CNTN3: variants seen among roughly 807,000 people sequenced by gnomAD.
The protein encoded by CNTN3 is contactin 3.
Under a neutral mutation model 119.1 loss-of-function variants are expected in CNTN3, and 60 were observed. The ratio of observed to expected loss-of-function variants is 0.50; its 90% CI spans 0.41 to 0.62. The LOEUF is 0.62. Ranked by LOEUF, CNTN3 falls within the 20% of genes least tolerant of loss-of-function variation. The probability of loss-of-function intolerance (pLI) is 0.00; values close to 1 mark genes in which losing one functional copy is unlikely to be tolerated. For synonymous variants in CNTN3, 450 were observed against 438.7 expected (o/e 1.03, Z -0.32); for missense variants, 1,101 against 1,242.4 (o/e 0.89, Z 1.71).
intron 20 of CNTN3, among the ~76,000 whole-genome samples, chr3:74,277,494 T>G (rs1701905197): frequency 6.6e-6 from 1 of 152,048 alleles, no homozygotes; most frequent in Admixed American, 6.6e-5. Context: ...AAACACCACA[T>G]AAACAGAATT....
At position 74,391,557 on chromosome 3, in the gene CNTN3, C is replaced by CTTTTTTTTTTTTTTTTTTTTTT. The variant is rs554976641; in HGVS notation, c.455-20180_455-20159dup. 4.5e-4 allele frequency among the ~76,000 whole-genome samples: 39 copies of CTTTTTTTTTTTTTTTTTTTTTT among 87,022 alleles called. 2 individuals are homozygous for CTTTTTTTTTTTTTTTTTTTTTT. Among genetic ancestry groups the CTTTTTTTTTTTTTTTTTTTTTT allele is most frequent in the Middle Eastern group, 7.8e-3 (1 of 128 alleles). The allele number at this position is 87,022 out of a possible 152,430, so 57.1% of individuals were successfully genotyped here. A position where few individuals can be genotyped will look rare whatever the true frequency, so the allele number is the denominator to read the frequency against. ...TTAGTATTTTGTACTCCCATAGTTT[C>CTTTTTTTTTTTTTTTTTTTTTT]TTTTTTTTTTTTTTTTTTTTTTTTG... is the stretch of plus-strand genomic sequence containing the variant. On this transcript the variant is annotated intron_variant, in intron 5 of 22. Coordinates refer to ENST00000263665, the MANE Select transcript of CNTN3 (RefSeq NM_020872.3).
At chr3:74,304,248 G>A (rs1311452418) in intron 13 of CNTN3, among the ~76,000 whole-genome samples, 1 of 152,186 alleles carries the variant, frequency 6.6e-6, no homozygotes, top group Admixed American at 6.5e-5. Flanking sequence ...TCCAGAAACT[G>A]TTAAGCTTGC....
intron 13 of CNTN3, among the ~76,000 whole-genome samples, chr3:74,315,888 T>C (rs1015263404): frequency 5.9e-5 from 9 of 152,174 alleles, no homozygotes; most frequent in African/African-American, 9.7e-5. Context: ...ATATTTTATA[T>C]GGAAATACCC....
chr3:74,371,456 G>T, intron 5 of CNTN3, 57 bp from the exon 6 acceptor site: 2 of 1,301,650 alleles, frequency 1.5e-6, no homozygotes, highest in Non-Finnish European at 2.2e-6. Flanking sequence ...GTTTTCCATT[G>T]TGTCCTTAAT....
Position 74,507,578 on chromosome 3 carries a change from A to T in CNTN3, c.56-7793T>A, listed in dbSNP as rs149325394. 5.0e-4 allele frequency among the ~76,000 whole-genome samples: 75 copies of T among 149,758 alleles called. 3 individuals carry two copies. In the East Asian group the frequency reaches 5.7e-3, roughly 11 times the overall value. On this transcript the variant is annotated intron_variant, in intron 2 of 22. Coordinates refer to ENST00000263665, the MANE Select transcript of CNTN3 (RefSeq NM_020872.3). ...TTTGTAAATGTCTGAGTGTATAAAC[A>T]CCATCTACTTCTCCCTCCCTGTTTC...
At chr3:74,289,921 G>C (rs1702189759) in intron 19 of CNTN3, among the ~76,000 whole-genome samples, 2 of 152,306 alleles carry the variant, frequency 1.3e-5, no homozygotes, top group Admixed American at 1.3e-4. Context: ...ACACAGGTTT[G>C]TCTAATTCTA....
chr3:74,357,082 C>T (rs563375053), intron 11 of CNTN3, among the ~76,000 whole-genome samples: 53 of 151,986 alleles, frequency 3.5e-4, no homozygotes, highest in African/African-American at 1.2e-3. Flanking sequence ...TGCCACCATA[C>T]CCAGCTAATT....
chr3:74,574,471 G>A (rs1704382772), intron 1 of CNTN3, among the ~76,000 whole-genome samples: 1 of 152,138 alleles, frequency 6.6e-6, no homozygotes, highest in Admixed American at 6.5e-5. Context: ...TATCAAAACT[G>A]AAATCTAACT....
At chr3:74,582,784 TG>T (rs61103604) in intron 1 of CNTN3, among the ~76,000 whole-genome samples, 1,971 of 21,948 alleles carry the variant, frequency 0.09, 37 homozygotes, top group African/African-American at 0.34. Context: ...TGTATGCATT[TG>T]TGTGTGTGTG....
chr3:74,322,605 A>G (rs1224686049), intron 13 of CNTN3, among the ~76,000 whole-genome samples: 1 of 152,188 alleles, frequency 6.6e-6, no homozygotes, highest in Non-Finnish European at 1.5e-5. Context: ...AAAATTAAAC[A>G]TACTCCTACC....
chr3:74,583,651 T>C (rs979303181), intron 1 of CNTN3, among the ~76,000 whole-genome samples: 11 of 152,194 alleles, frequency 7.2e-5, no homozygotes, highest in African/African-American at 2.7e-4. Context: ...TGGGTACCTG[T>C]GACTAGCTGG....
intron 20 of CNTN3, among the ~76,000 whole-genome samples, chr3:74,274,528 G>T (rs988237677): frequency 6.6e-5 from 10 of 152,064 alleles, no homozygotes; most frequent in Admixed American, 3.3e-4. Context: ...AGACATGCTG[G>T]GTGACTAGAC....
intron 3 of CNTN3, among the ~76,000 whole-genome samples, chr3:74,492,619 C>T (rs1474099552): frequency 6.6e-6 from 1 of 152,154 alleles, no homozygotes; most frequent in African/African-American, 2.4e-5. Flanking sequence ...TATTTCAAAA[C>T]TGGTAGTTAT....
chr3:74,269,239 A>C (rs1422252248), intron 20 of CNTN3, among the ~76,000 whole-genome samples: 2 of 152,106 alleles, frequency 1.3e-5, no homozygotes, highest in Non-Finnish European at 2.9e-5. Flanking sequence ...TAATATTCAC[A>C]CAATAATTAG....
At chr3:74,544,134 G>A (rs182016032) in intron 1 of CNTN3, among the ~76,000 whole-genome samples, 2 of 152,140 alleles carry the variant, frequency 1.3e-5, no homozygotes, top group Admixed American at 6.6e-5. Flanking sequence ...CACAGACCAC[G>A]AGGCAGAAAA....
At chr3:74,467,210 T>A (rs747368745) in intron 4 of CNTN3, among the ~76,000 whole-genome samples, 1 of 152,116 alleles carries the variant, frequency 6.6e-6, no homozygotes, top group Non-Finnish European at 1.5e-5. Context: ...AAAAATGATA[T>A]TGGATATCTT....
chr3:74,375,384 G>A (rs757062534), intron 5 of CNTN3, among the ~76,000 whole-genome samples: 3 of 152,068 alleles, frequency 2.0e-5, no homozygotes, highest in Non-Finnish European at 4.4e-5. Flanking sequence ...GAGAGAGTCT[G>A]GGCCTAATAT....
intron 5 of CNTN3, among the ~76,000 whole-genome samples, chr3:74,390,574 A>C (rs1704874367): frequency 6.6e-6 from 1 of 152,152 alleles, no homozygotes; most frequent in Non-Finnish European, 1.5e-5. Flanking sequence ...AAGGGAAAGC[A>C]GAAGTCACAG....
intron 1 of CNTN3, among the ~76,000 whole-genome samples, chr3:74,604,980 T>C (rs563331482): frequency 4.1e-4 from 63 of 152,248 alleles, no homozygotes; most frequent in African/African-American, 1.5e-3. Flanking sequence ...GGAAGGAAAT[T>C]ATTTCAATTG....
Sources: allele counts gnomAD v4.1 joint callset (sites outside exome capture counted in the v4.1 genomes callset), GRCh38; gene constraint gnomAD v4.1.1; transcripts MANE v1.5; gene names NCBI Gene and HGNC (gene_info 2026-07-23, HGNC 2026-07-21).